Variants in HEXIM2 observed in about 807,000 individuals in gnomAD.
HEXIM2 encodes the protein protein HEXIM2.
For synonymous variants in HEXIM2, 159 were observed against 162.7 expected, an observed-to-expected ratio of 0.98 and a Z score of 0.17; for missense variants, 413 against 390.8, an observed-to-expected ratio of 1.06 and a Z score of -0.48.
chr17:45,162,872 C>A lies in HEXIM2; in HGVS notation c.66+13C>A. The A allele has an allele frequency of 6.4e-7, 1 of 1,567,068 alleles. No individual in the cohort carries two copies. On this transcript the variant is annotated intron_variant, in intron 3 of 3. Coordinates refer to ENST00000589230, the MANE Select transcript of HEXIM2 (RefSeq NM_001303441.2). ...GGAGGAGGCCAAGGTAAGTCCCTGC[C>A]CTCCTGCCCACCCAAGCACCACGAG...
chr17:45,169,089 G>A lies in HEXIM2; in HGVS notation c.141G>A (p.Pro47=), dbSNP rs34207107. Residue 47 remains proline (P), a synonymous_variant, in exon 4 of 4, where the codon CCG becomes CCA. Coordinates refer to ENST00000589230, the MANE Select transcript of HEXIM2 (RefSeq NM_001303441.2). ...HDSGGSLPLT[P]RMESHSEDED... ...CTGGTGGTTCCCTGCCCCTGACACCGCGGATGGAGAGCCACTCAGAGGATG... is the reference window on the plus strand; with the variant it reads ...CTGGTGGTTCCCTGCCCCTGACACCACGGATGGAGAGCCACTCAGAGGATG... 17,532 of 1,613,980 alleles carry A rather than the reference G, an allele frequency of 0.011. 799 individuals are homozygous for A. In the African/African-American group the frequency reaches 0.14, roughly 12 times the overall value.
chr17:45,169,179 A>G lies in HEXIM2; in HGVS notation c.231A>G (p.Pro77=). 2 of 1,613,730 alleles carry G rather than the reference A, an allele frequency of 1.2e-6. No homozygotes were observed. Among genetic ancestry groups the G allele is most frequent in the Non-Finnish European group, 1.7e-6 (2 of 1,180,026 alleles). The change falls in exon 4 of 4, where the codon CCA becomes CCG. Residue 77 remains proline, a synonymous_variant. Transcript: ENST00000589230. ...GTAGGAGTCCCCGGACCCAGAGCCC[A>G]GGGGGCTGCTCAGCGGAGGCTGTGC... ...WNSRSPRTQS[P]GGCSAEAVLA...
intron 3 of HEXIM2, among the ~76,000 whole-genome samples, chr17:45,166,617 A>T (rs1345092980): frequency 6.6e-6 from 1 of 152,202 alleles, no homozygotes; most frequent in African/African-American, 2.4e-5. Context: ...GCTATGTGCT[A>T]ACTGTGTGAT....
At chr17:45,168,150 C>T (rs2042915750) in intron 3 of HEXIM2, among the ~76,000 whole-genome samples, 1 of 149,710 alleles carries the variant, frequency 6.7e-6, no homozygotes, top group African/African-American at 2.4e-5. Context: ...TCCCAAAGTG[C>T]TGGGATTACA....
chr17:45,169,816 C>T lies in HEXIM2; in HGVS notation c.*7C>T. 1 of 1,430,708 alleles carries T rather than the reference C, an allele frequency of 7.0e-7. No individual in the cohort carries two copies. Among genetic ancestry groups the T allele is most frequent in the African/African-American group, 1.4e-5 (1 of 69,674 alleles). The allele number at this position is 1,430,708 out of a possible 1,614,324, so 88.6% of individuals were successfully genotyped here. A position where few individuals can be genotyped will look rare whatever the true frequency, so the allele number is the denominator to read the frequency against. On this transcript the variant is annotated 3_prime_UTR_variant, in exon 4 of 4. Coordinates refer to ENST00000589230, the MANE Select transcript of HEXIM2 (RefSeq NM_001303441.2). ...TGAGGAGCCGGGTACCTAGGGGTGC[C>T]TCCCAGCCTGGTGGACCCAAGGAGA...
Position 45,162,550 on chromosome 17 carries a change from C to G in HEXIM2, c.-130C>G. 7.3e-7 allele frequency: 1 copy of G among 1,362,816 alleles called. No homozygotes were observed. The highest frequency in any genetic ancestry group is 9.5e-7 in the Non-Finnish European group (1 of 1,054,600). 84.4% of individuals were successfully genotyped at this position (1,362,816 alleles called of 1,614,324 possible). A position where few individuals can be genotyped will look rare whatever the true frequency, so the allele number is the denominator to read the frequency against. On this transcript the variant is annotated 5_prime_UTR_variant, in exon 2 of 4. Transcript: ENST00000589230. The stretch of plus-strand genomic sequence containing the variant: ...GAGGAGCAGGACAGAGAAGACGGCC[C>G]CTGAATCCCATTTGGCCCCTTGCTG...
At chr17:45,168,842 CAGACAGT>C (rs759271618) in intron 3 of HEXIM2, 166 bp from the exon 4 acceptor site, 46 of 684,124 alleles carry the variant, frequency 6.7e-5, no homozygotes, top group Non-Finnish European at 1.1e-4. Context: ...GGTTGGGGGA[CAGACAGT>C]AGACAGGTCT....
Position 45,161,987 on chromosome 17 carries a change from A to G in HEXIM2, c.-237A>G. 1.0e-6 allele frequency: 1 copy of G among 985,584 alleles called. No individual in the cohort carries two copies. Among genetic ancestry groups the G allele is most frequent in the Non-Finnish European group, 1.2e-6 (1 of 830,020 alleles). The allele number at this position is 985,584 out of a possible 1,614,324, so 61.1% of individuals were successfully genotyped here. A position where few individuals can be genotyped will look rare whatever the true frequency, so the allele number is the denominator to read the frequency against. On this transcript the variant is annotated 5_prime_UTR_variant, in exon 1 of 4. Coordinates refer to ENST00000589230, the MANE Select transcript of HEXIM2 (RefSeq NM_001303441.2). The stretch of plus-strand genomic sequence containing the variant: ...TGCACCGACAGGCAGTCGCACAGAA[A>G]GGCACACAGATGTAGTGGTGTGCAT...
At chr17:45,161,012 G>C (rs1186912878), upstream of HEXIM2, 2 of 1,197,904 alleles carry the variant, frequency 1.7e-6, no homozygotes, top group African/African-American at 1.6e-5. Flanking sequence ...CTTGTGGCCA[G>C]ACCTGCGACC....
intron 3 of HEXIM2, among the ~76,000 whole-genome samples, chr17:45,166,761 C>T (rs1323299464): frequency 6.6e-6 from 1 of 152,132 alleles, no homozygotes; most frequent in Non-Finnish European, 1.5e-5. Flanking sequence ...TGGTGGCTCA[C>T]ACCTGTAATC....
chr17:45,164,763 G>A (rs556790136), intron 3 of HEXIM2, among the ~76,000 whole-genome samples: 2 of 152,234 alleles, frequency 1.3e-5, no homozygotes, highest in African/African-American at 2.4e-5. Context: ...ATGCTTGTTC[G>A]GCCCATGTTC....
In HEXIM2 at chr17:45,169,876, T is replaced by C; in HGVS notation, c.*67T>C. On this transcript the variant is annotated 3_prime_UTR_variant, in exon 4 of 4. Coordinates refer to ENST00000589230, the MANE Select transcript of HEXIM2 (RefSeq NM_001303441.2). Reference sequence around the variant, plus strand: ...TTCGTGCACACTCAGGCCAGCTGGGTCTCAAGGAGGCAGGTGGCAGATGAA... The same window carrying C: ...TTCGTGCACACTCAGGCCAGCTGGGCCTCAAGGAGGCAGGTGGCAGATGAA... 7.4e-7 allele frequency: 1 copy of C among 1,342,408 alleles called. No homozygotes were observed. The allele number at this position is 1,342,408 out of a possible 1,614,324, so 83.2% of individuals were successfully genotyped here. A position where few individuals can be genotyped will look rare whatever the true frequency, so the allele number is the denominator to read the frequency against.
intron 1 of HEXIM2, among the ~76,000 whole-genome samples, 151 bp from the exon 2 acceptor site, chr17:45,162,337 C>T (rs2042721312): frequency 6.6e-6 from 1 of 152,194 alleles, no homozygotes; most frequent in South Asian, 2.1e-4. Context: ...GGGAAGGACT[C>T]GTGAGCTTGC....
At chr17:45,166,502 G>C (rs1265321104) in intron 3 of HEXIM2, among the ~76,000 whole-genome samples, 1 of 152,180 alleles carries the variant, frequency 6.6e-6, no homozygotes, top group Non-Finnish European at 1.5e-5. Context: ...TATTTACTGA[G>C]CACTGCCCTT....
intron 3 of HEXIM2, 35 bp downstream of exon 3, chr17:45,162,894 C>T: frequency 7.4e-7 from 1 of 1,359,674 alleles, no homozygotes; most frequent in Non-Finnish European, 1.1e-6. Context: ...CCAAGCACCA[C>T]GAGCACGGGT....
intron 3 of HEXIM2, among the ~76,000 whole-genome samples, chr17:45,167,553 G>A (rs2042891201): frequency 6.6e-6 from 1 of 152,008 alleles, no homozygotes; most frequent in African/African-American, 2.4e-5. Context: ...AGTTATTATT[G>A]CACCTCACTG....
At position 45,169,546 on chromosome 17, in the gene HEXIM2, T is replaced by C; in HGVS notation, c.598T>C (p.Phe200Leu). ...GGACTTCTCTGAGACTTACGAACGC[T>C]TCCACACCGAGAGCCTGCAGGGCCG... Reference protein sequence around the residue: ...RKDFSETYERFHTESLQGRSK... With the variant: ...RKDFSETYERLHTESLQGRSK... Residue 200 changes from phenylalanine to leucine, a missense_variant, in exon 4 of 4, where the codon TTC (phenylalanine) becomes CTC (leucine). Physicochemically the swap from Phe to Leu is conservative, Grantham distance 22. Coordinates refer to ENST00000589230, the MANE Select transcript of HEXIM2 (RefSeq NM_001303441.2). 1 of 1,569,578 alleles carries C rather than the reference T, an allele frequency of 6.4e-7. No homozygotes were observed. The highest frequency in any genetic ancestry group is 1.7e-4 in the Middle Eastern group (1 of 6,004).
Position 45,169,239 on chromosome 17 carries a change from G to A in HEXIM2, c.291G>A (p.Lys97=), listed in dbSNP as rs1336569281. 8.1e-6 allele frequency: 13 copies of A among 1,613,720 alleles called. 1 individual carries two copies. The highest frequency in any genetic ancestry group is 2.2e-5 in the South Asian group (2 of 91,082). Reference sequence around the variant, plus strand: ...AGAAACACCGTCGGCGGCCATCGAAGCGCAAAAGGCACTGGCGACCCTACC... The same window carrying A: ...AGAAACACCGTCGGCGGCCATCGAAACGCAAAAGGCACTGGCGACCCTACC... ...ARKKHRRRPS[K]RKRHWRPYLE... is the part of the protein sequence containing the mutation. The change falls in exon 4 of 4, where the codon AAG becomes AAA. Residue 97 remains lysine, a synonymous_variant. Coordinates refer to ENST00000589230, the MANE Select transcript of HEXIM2 (RefSeq NM_001303441.2).
chr17:45,161,186 A>T (rs923758517), upstream of HEXIM2: 1 of 364,616 alleles, frequency 2.7e-6, no homozygotes, highest in Non-Finnish European at 5.4e-6. Context: ...GCCCCTGTGG[A>T]AAGACCGCAG....
Sources: gnomAD v4.1 joint callset for allele counts (sites outside exome capture counted in the v4.1 genomes callset) on GRCh38, gnomAD v4.1.1 for gene constraint, MANE v1.5 for transcripts, NCBI Gene and HGNC (gene_info 2026-07-23, HGNC 2026-07-21) for gene names.